KLHL42: variants seen among roughly 807,000 people sequenced by gnomAD.
KLHL42 encodes kelch-like protein 42.
KLHL42 carries 27 observed loss-of-function variants against 32.7 expected under a neutral mutation model. The observed-to-expected ratio is 0.83, with a 90% confidence interval of 0.61 to 1.14. The LOEUF is 1.14. Among genes scored for constraint, KLHL42 ranks in the 50% most tolerant of loss-of-function variants. The pLI, the probability that KLHL42 is intolerant of heterozygous loss-of-function variation, is 0.00. For missense variants in KLHL42, 491 were observed against 560.8 expected, an observed-to-expected ratio of 0.88 and a Z score of 1.26; for synonymous variants, 267 against 248.2, an observed-to-expected ratio of 1.08 and a Z score of -0.71.
chr12:27,780,233 A>G lies in KLHL42; in HGVS notation c.-98A>G. On this transcript the variant is annotated 5_prime_UTR_variant, in exon 1 of 3. Transcript: ENST00000381271. The surrounding 1 kb of genome is among the most constrained non-coding windows in gnomAD (Gnocchi z 8.8). ...ACCTCGCCGCTCCTCCCGGGCCGCC[A>G]TCCCTCGGCGCCCCGCCCGGAACCG... 2 of 1,192,510 alleles carry G rather than the reference A, an allele frequency of 1.7e-6. No homozygotes were observed. The highest frequency in any genetic ancestry group is 2.2e-6 in the Non-Finnish European group (2 of 925,096). 73.9% of individuals were successfully genotyped at this position (1,192,510 alleles called of 1,614,324 possible). A position where few individuals can be genotyped will look rare whatever the true frequency, so the allele number is the denominator to read the frequency against.
At chr12:27,786,872 G>A (rs1256458458) in intron 1 of KLHL42, among the ~76,000 whole-genome samples, 4 of 151,786 alleles carry the variant, frequency 2.6e-5, no homozygotes, top group Non-Finnish European at 5.9e-5. Context: ...ACAGGTGCCC[G>A]CCACCATGCC....
In KLHL42 at chr12:27,798,892, T is replaced by C. The variant is rs117456806; in HGVS notation, c.*726T>C. ...CAGGTTGCATATTTATGTGGACACA[T>C]AGGTTGCACTGCTAGGCATTCTGTA... On this transcript the variant is annotated 3_prime_UTR_variant, in exon 3 of 3. Coordinates refer to ENST00000381271, the MANE Select transcript of KLHL42 (RefSeq NM_020782.2). The C allele has an allele frequency of 2.6e-4, 39 of 152,648 alleles. No homozygotes were observed. The highest frequency in any genetic ancestry group is 3.4e-3 in the Middle Eastern group (1 of 294). The allele number at this position is 152,648 out of a possible 1,614,324, so 9.5% of individuals were successfully genotyped here. A position where few individuals can be genotyped will look rare whatever the true frequency, so the allele number is the denominator to read the frequency against.
At chr12:27,797,443 G>A in intron 2 of KLHL42, 2 of 533,978 alleles carry the variant, frequency 3.7e-6, no homozygotes, top group Admixed American at 2.5e-5. Context: ...GGGAGGAGGG[G>A]CTGTGTGAAA....
At position 27,801,130 on chromosome 12, in the gene KLHL42, G is replaced by C. The variant is rs562073283; in HGVS notation, c.*2964G>C. 6.6e-6 allele frequency: 1 copy of C among 152,582 alleles called. No individual in the cohort carries two copies. Among genetic ancestry groups the C allele is most frequent in the African/African-American group, 2.4e-5 (1 of 41,418 alleles). The allele number at this position is 152,582 out of a possible 1,614,324, so 9.5% of individuals were successfully genotyped here. On this transcript the variant is annotated 3_prime_UTR_variant, in exon 3 of 3. Coordinates refer to ENST00000381271, the MANE Select transcript of KLHL42 (RefSeq NM_020782.2). The stretch of plus-strand genomic sequence containing the variant: ...GTCACAACGACGAAGTGCTGAGAAG[G>C]TTATGGGTACCAGGAAGAAACAAAC...
At position 27,798,803 on chromosome 12, in the gene KLHL42, C is replaced by G. The variant is rs952668577; in HGVS notation, c.*637C>G. The G allele has an allele frequency of 6.6e-6, 1 of 152,326 alleles. No individual in the cohort carries two copies. The highest frequency in any genetic ancestry group is 1.5e-5 in the Non-Finnish European group (1 of 68,036). The allele number at this position is 152,326 out of a possible 1,614,324, so 9.4% of individuals were successfully genotyped here. ...AAAATATTCTTAGCTATTTTTCCAG[C>G]CTTTTTTGCAGTTACAAATGCTGGA... On this transcript the variant is annotated 3_prime_UTR_variant, in exon 3 of 3. Transcript: ENST00000381271.
chr12:27,792,813 G>A (rs1333115085), intron 2 of KLHL42, among the ~76,000 whole-genome samples: 9 of 152,080 alleles, frequency 5.9e-5, no homozygotes, highest in African/African-American at 1.7e-4. Context: ...GTGAGCCACC[G>A]TGCCCGGCCT....
chr12:27,794,107 T>C (rs2062209125), intron 2 of KLHL42, among the ~76,000 whole-genome samples: 1 of 152,226 alleles, frequency 6.6e-6, no homozygotes. Context: ...GTGGGGAAGA[T>C]GGTGGGAGGT....
At chr12:27,794,655 C>CCAAGG (rs1216194005) in intron 2 of KLHL42, among the ~76,000 whole-genome samples, 1 of 151,938 alleles carries the variant, frequency 6.6e-6, no homozygotes, top group African/African-American at 2.4e-5. Context: ...TGTGCCTGGC[C>CCAAGG]CAAAGATCCT....
intron 1 of KLHL42, among the ~76,000 whole-genome samples, chr12:27,785,247 T>G (rs559833746): frequency 6.6e-6 from 1 of 151,848 alleles, no homozygotes; most frequent in African/African-American, 2.4e-5. Flanking sequence ...TCACCCAGGC[T>G]GGAGTACAGT....
At position 27,802,774 on chromosome 12, in the gene KLHL42, G is replaced by C. The variant is rs750454754; in HGVS notation, c.*4608G>C. On this transcript the variant is annotated 3_prime_UTR_variant, in exon 3 of 3. Transcript: ENST00000381271. ...AAAAACCCTTAAGAATGGGGCACTT[G>C]AGCTGTCCCTGCAATGTTTTCATAT... 42 of 152,606 alleles carry C rather than the reference G, an allele frequency of 2.8e-4. No individual in the cohort carries two copies. Among genetic ancestry groups the C allele is most frequent in the East Asian group, 1.9e-4 (1 of 5,172 alleles). 9.5% of individuals were successfully genotyped at this position (152,606 alleles called of 1,614,324 possible). A position where few individuals can be genotyped will look rare whatever the true frequency, so the allele number is the denominator to read the frequency against.
At position 27,802,059 on chromosome 12, in the gene KLHL42, A is replaced by G. The variant is rs1328913626; in HGVS notation, c.*3893A>G. 6.6e-6 allele frequency: 1 copy of G among 151,570 alleles called. No homozygotes were observed. Among genetic ancestry groups the G allele is most frequent in the Admixed American group, 6.6e-5 (1 of 15,246 alleles). The allele number at this position is 151,570 out of a possible 1,614,324, so 9.4% of individuals were successfully genotyped here. On this transcript the variant is annotated 3_prime_UTR_variant, in exon 3 of 3. Transcript: ENST00000381271. ...GCCCTGTCCGTCCTTTGTTTTTGTGATTTACTAACAATCATCACGAACCAG... is the reference window on the plus strand; with the variant it reads ...GCCCTGTCCGTCCTTTGTTTTTGTGGTTTACTAACAATCATCACGAACCAG...
intron 2 of KLHL42, among the ~76,000 whole-genome samples, chr12:27,796,892 C>T (rs1364159163): frequency 1.1e-4 from 16 of 152,108 alleles, no homozygotes; most frequent in African/African-American, 3.1e-4. Flanking sequence ...CTGCTTCAGC[C>T]CACCCAAAGA....
rs1317142827 is a variant in KLHL42 at position 27,799,770 on chromosome 12, C to T, written c.*1604C>T. On this transcript the variant is annotated 3_prime_UTR_variant, in exon 3 of 3. Transcript: ENST00000381271. Reference sequence around the variant, plus strand: ...CTATTTGCACAACTTTTTGGGAATACTTCTATTAACTAAAATGAGGTAAGC... The same window carrying T: ...CTATTTGCACAACTTTTTGGGAATATTTCTATTAACTAAAATGAGGTAAGC... 6.1e-6 allele frequency: 1 copy of T among 163,720 alleles called. No individual in the cohort carries two copies. Among genetic ancestry groups the T allele is most frequent in the South Asian group, 2.0e-4 (1 of 5,036 alleles). 10.1% of individuals were successfully genotyped at this position (163,720 alleles called of 1,614,324 possible).
chr12:27,784,212 G>A (rs4420310), intron 1 of KLHL42, among the ~76,000 whole-genome samples: 17,069 of 147,478 alleles, frequency 0.12, 1,346 homozygotes, highest in Non-Finnish European at 0.17. Context: ...TCGGCTCACT[G>A]CAAGCTCCGC....
chr12:27,783,909 G>A (rs1193586272), intron 1 of KLHL42, among the ~76,000 whole-genome samples: 5 of 152,082 alleles, frequency 3.3e-5, no homozygotes, highest in Non-Finnish European at 7.3e-5. Context: ...TAATGGCTGC[G>A]TGGCATTCCA....
At position 27,798,653 on chromosome 12, in the gene KLHL42, C is replaced by CG. The variant is rs2062230684; in HGVS notation, c.*487_*488insG. 1 of 157,176 alleles carries CG rather than the reference C, an allele frequency of 6.4e-6. No individual in the cohort carries two copies. Among genetic ancestry groups the CG allele is most frequent in the Non-Finnish European group, 1.4e-5 (1 of 71,482 alleles). The allele number at this position is 157,176 out of a possible 1,614,324, so 9.7% of individuals were successfully genotyped here. On this transcript the variant is annotated 3_prime_UTR_variant, in exon 3 of 3. Transcript: ENST00000381271. The stretch of plus-strand genomic sequence containing the variant: ...TCTCCATCACCCATACCCACACATA[C>CG]ATCTAGTATGTTTAGGGTTCTGTGT...
chr12:27,787,859 G>T (rs1355280760), intron 1 of KLHL42: 1 of 152,188 alleles, frequency 6.6e-6, no homozygotes, highest in Non-Finnish European at 1.5e-5. Flanking sequence ...TAGAGCCTGG[G>T]AATAGTGCAA....
chr12:27,791,827 C>G lies in KLHL42; in HGVS notation c.992C>G (p.Pro331Arg). ...QDAWNFVAPL[P>R]NPLAEFSACE... ...GCGTGGAATTTTGTGGCGCCCTTAC[C>G]CAATCCTCTGGCTGAGTTCTCTGCC... The change falls in exon 2 of 3, where the codon CCC becomes CGC. Residue 331 changes from proline to arginine, a missense_variant. Physicochemically the swap from Pro to Arg is moderately radical, Grantham distance 103. Around this residue, in one of 4 missense-constraint regions of KLHL42, gnomAD observed 152 missense variants for 125.9 expected, o/e 1.21. Transcript: ENST00000381271. 1 of 1,614,170 alleles carries G rather than the reference C, an allele frequency of 6.2e-7. No homozygotes were observed. Among genetic ancestry groups the G allele is most frequent in the African/African-American group, 1.3e-5 (1 of 75,026 alleles).
In KLHL42 at chr12:27,781,153, A is replaced by C; in HGVS notation, c.823A>C (p.Asn275His). 1 of 1,614,032 alleles carries C rather than the reference A, an allele frequency of 6.2e-7. No individual in the cohort carries two copies. Among genetic ancestry groups the C allele is most frequent in the Non-Finnish European group, 8.5e-7 (1 of 1,180,022 alleles). The change falls in exon 1 of 3, where the codon AAC becomes CAC. Residue 275 changes from asparagine to histidine, a missense_variant. Physicochemically the swap from Asn to His is moderately conservative, Grantham distance 68 (BLOSUM62 1). Transcript: ENST00000381271. ...SQEISAAHSY[N>H]PSTNEWLQVA... The stretch of plus-strand genomic sequence containing the variant: ...GGAGATCTCCGCTGCGCATTCCTAC[A>C]ACCCCAGCACCAACGAGTGGCTCCA...
Sources: allele counts gnomAD v4.1 joint callset (sites outside exome capture counted in the v4.1 genomes callset), GRCh38; gene constraint gnomAD v4.1.1; regional missense constraint gnomAD v4.1.1; non-coding constraint Gnocchi (gnomAD v3.1); transcripts MANE v1.5; gene names NCBI Gene and HGNC (gene_info 2026-07-23, HGNC 2026-07-21).